TSPEAR: variants seen among roughly 807,000 people sequenced by gnomAD.
TSPEAR encodes the protein thrombospondin type laminin G domain and EAR repeats.
Under a neutral mutation model 71.6 loss-of-function variants are expected in TSPEAR, and 69 were observed. The ratio of observed to expected loss-of-function variants is 0.96; its 90% CI spans 0.79 to 1.18. The LOEUF (loss-of-function observed/expected upper bound fraction) is 1.18. TSPEAR is among the 50% of genes most tolerant of loss of function. The pLI is 0.00. For missense variants in TSPEAR, 971 were observed against 894.9 expected, an observed-to-expected ratio of 1.09 and a Z score of -1.09; for synonymous variants, 402 against 387.2, an observed-to-expected ratio of 1.04 and a Z score of -0.45.
intron 1 of TSPEAR, among the ~76,000 whole-genome samples, chr21:44,628,905 C>G (rs1232482923): frequency 6.6e-6 from 1 of 150,738 alleles, no homozygotes; most frequent in Non-Finnish European, 1.5e-5. Flanking sequence ...AGAACAGACA[C>G]GTGGTCTCCA....
At position 44,506,152 on chromosome 21, in the gene TSPEAR, A is replaced by T. The variant is rs1409219104; in HGVS notation, c.1755-1271T>A. Among the ~76,000 whole-genome samples the T allele has an allele frequency of 1.3e-5, 2 of 152,198 alleles. No individual in the cohort carries two copies. Among genetic ancestry groups the T allele is most frequent in the Non-Finnish European group, 2.9e-5 (2 of 68,014 alleles). On this transcript the variant is annotated intron_variant, in intron 10 of 11. Coordinates refer to ENST00000323084, the MANE Select transcript of TSPEAR (RefSeq NM_144991.3). The surrounding 1 kb of genome is among the most constrained non-coding windows in gnomAD (Gnocchi z 4.2). ...GCAGAAGCTGTTTCTTGTTGCAAAC[A>T]AATTTGCTGTGTCCTGTCTTAGGAG...
chr21:44,672,414 C>T (rs1180809623), intron 1 of TSPEAR, among the ~76,000 whole-genome samples: 3 of 152,146 alleles, frequency 2.0e-5, no homozygotes, highest in South Asian at 2.1e-4. Flanking sequence ...ACTAAAAATA[C>T]AAAAAATTAG....
In TSPEAR at chr21:44,674,740, G is replaced by A. The variant is rs1244730642; in HGVS notation, c.82+36693C>T. On this transcript the variant is annotated intron_variant, in intron 1 of 11. Transcript: ENST00000323084. ...GAGACTCTGTCTTTAAAGTGTGTGT[G>A]TGTGTGTGTGTGTGTGTGTGTGTGT... Among the ~76,000 whole-genome samples the A allele has an allele frequency of 1.1e-3, 70 of 64,916 alleles. 1 individual carries two copies. In the Middle Eastern group the frequency reaches 0.025, roughly 23 times the overall value. The allele number at this position is 64,916 out of a possible 152,430, so 42.6% of individuals were successfully genotyped here. A position where few individuals can be genotyped will look rare whatever the true frequency, so the allele number is the denominator to read the frequency against.
chr21:44,591,404 G>A (rs372537152), intron 1 of TSPEAR: 4 of 1,609,714 alleles, frequency 2.5e-6, no homozygotes, highest in South Asian at 1.1e-5. Context: ...CTGGACTTCT[G>A]GCCAGAGCAG....
chr21:44,583,630 ACTT>A (rs1156841402), intron 1 of TSPEAR, among the ~76,000 whole-genome samples: 1 of 152,018 alleles, frequency 6.6e-6, no homozygotes, highest in Non-Finnish European at 1.5e-5. Flanking sequence ...TGGCTTTTCT[ACTT>A]CTATTTTATG....
chr21:44,552,814 G>C (rs761537195), intron 2 of TSPEAR, among the ~76,000 whole-genome samples: 18 of 152,136 alleles, frequency 1.2e-4, no homozygotes, highest in African/African-American at 4.1e-4. Flanking sequence ...CCTCCAGCAC[G>C]TGCCAGTCAC....
At chr21:44,602,431 G>T (rs1981009780) in intron 1 of TSPEAR, among the ~76,000 whole-genome samples, 1 of 152,252 alleles carries the variant, frequency 6.6e-6, no homozygotes, top group African/African-American at 2.4e-5. Context: ...GTTGTGTCCA[G>T]CCCCTGGCTC....
chr21:44,581,640 G>A (rs1420324660), intron 1 of TSPEAR, among the ~76,000 whole-genome samples: 1 of 151,956 alleles, frequency 6.6e-6, no homozygotes, highest in Non-Finnish European at 1.5e-5. Flanking sequence ...AATTCATTGA[G>A]CCTTTCAATG....
Position 44,666,492 on chromosome 21 carries a change from C to T in TSPEAR, c.82+44941G>A. The T allele has an allele frequency of 1.2e-6, 2 of 1,609,324 alleles. No homozygotes were observed. Among genetic ancestry groups the T allele is most frequent in the Non-Finnish European group, 1.7e-6 (2 of 1,177,366 alleles). ...GTAGGAGATGGGTCTGCAGAGGACG[C>T]TGGTGCAGGAGGGCTGGCAGCACCC... On this transcript the variant is annotated intron_variant, in intron 1 of 11. Coordinates refer to ENST00000323084, the MANE Select transcript of TSPEAR (RefSeq NM_144991.3).
intron 2 of TSPEAR, chr21:44,558,037 C>T (rs782059447): frequency 3.7e-5 from 59 of 1,592,312 alleles, no homozygotes; most frequent in South Asian, 1.6e-4. Context: ...TCTGGAGAAA[C>T]GGGACCTGCC....
At chr21:44,512,910 G>A (rs1601335019) in intron 9 of TSPEAR, among the ~76,000 whole-genome samples, 1 of 152,178 alleles carries the variant, frequency 6.6e-6, no homozygotes, top group East Asian at 1.9e-4. Flanking sequence ...CAGGCCTGGG[G>A]GGCCGGGGGC....
intron 1 of TSPEAR, chr21:44,591,864 T>C (rs233304): frequency 0.071 from 110,619 of 1,566,774 alleles, 7,903 homozygotes; most frequent in African/African-American, 0.26. Context: ...GCTGGCAGCA[T>C]GAGGGTGTGC....
At chr21:44,521,611 C>T (rs1178164309) in intron 9 of TSPEAR, among the ~76,000 whole-genome samples, 1 of 152,226 alleles carries the variant, frequency 6.6e-6, no homozygotes, top group Non-Finnish European at 1.5e-5. Context: ...CAGGGTGGGG[C>T]AGAGCCAGGG....
In TSPEAR at chr21:44,684,903, C is replaced by G. The variant is rs576924204; in HGVS notation, c.82+26530G>C. 3.1e-4 allele frequency among the ~76,000 whole-genome samples: 47 copies of G among 152,312 alleles called. 1 individual carries two copies. Among genetic ancestry groups the G allele is most frequent in the African/African-American group, 1.0e-3 (43 of 41,562 alleles). On this transcript the variant is annotated intron_variant, in intron 1 of 11. Transcript: ENST00000323084. ...ACATAGGAACATGTGATCACTGTGG[C>G]TGCCCCAATTCTCTTGGTTTTTAAG...
rs1487045935 is a variant in TSPEAR at position 44,560,845 on chromosome 21, A to G, written c.303+6940T>C. Among the ~76,000 whole-genome samples the G allele has an allele frequency of 2.6e-5, 4 of 152,216 alleles. No homozygotes were observed. In the East Asian group the frequency reaches 7.7e-4, roughly 29 times the overall value. ...CACAGCTAAAGCAGTGTTAACAGGG[A>G]AATTTATAGCACTAAATGTCCACAT... is the stretch of plus-strand genomic sequence containing the variant. On this transcript the variant is annotated intron_variant, in intron 2 of 11. Coordinates refer to ENST00000323084, the MANE Select transcript of TSPEAR (RefSeq NM_144991.3).
At chr21:44,640,591 G>T (rs1555938355) in intron 1 of TSPEAR, among the ~76,000 whole-genome samples, 1 of 152,234 alleles carries the variant, frequency 6.6e-6, no homozygotes, top group African/African-American at 2.4e-5. Context: ...CTCCATTTGG[G>T]ATGGCCACTG....
rs147548451 is a variant in TSPEAR at position 44,503,201 on chromosome 21, G to T, written c.1856+1579C>A. 8.4e-4 allele frequency among the ~76,000 whole-genome samples: 117 copies of T among 139,416 alleles called. 2 individuals carry two copies. In the East Asian group the frequency reaches 0.011, roughly 13 times the overall value. The allele number at this position is 139,416 out of a possible 152,430, so 91.5% of individuals were successfully genotyped here. ...GAAGCCGGCCTTGGTGAGCCCACAG[G>T]GGGGAAGCAAGGCGCTGGGAGGAGG... On this transcript the variant is annotated intron_variant, in intron 11 of 11. Coordinates refer to ENST00000323084, the MANE Select transcript of TSPEAR (RefSeq NM_144991.3).
intron 1 of TSPEAR, among the ~76,000 whole-genome samples, chr21:44,630,995 T>A (rs1482436458): frequency 2.6e-5 from 4 of 151,988 alleles, no homozygotes; most frequent in Admixed American, 2.6e-4. Flanking sequence ...ATTATCAAAT[T>A]ATAATATTCC....
chr21:44,612,145 C>T lies in TSPEAR; in HGVS notation c.83-44140G>A. The T allele has an allele frequency of 6.2e-7, 1 of 1,614,112 alleles. No individual in the cohort carries two copies. Among genetic ancestry groups the T allele is most frequent in the Non-Finnish European group, 8.5e-7 (1 of 1,180,006 alleles). On this transcript the variant is annotated intron_variant, in intron 1 of 11. Coordinates refer to ENST00000323084, the MANE Select transcript of TSPEAR (RefSeq NM_144991.3). This position sits in a 1 kb window ranked among gnomAD's most constrained non-coding sequence, Gnocchi z 4.1. ...CCAGGACGTATGTGATTGCTGCATCCACCATGTCTGTCTGCTCCAGTGACG... is the reference window on the plus strand; with the variant it reads ...CCAGGACGTATGTGATTGCTGCATCTACCATGTCTGTCTGCTCCAGTGACG...
Sources: allele counts gnomAD v4.1 joint callset (sites outside exome capture counted in the v4.1 genomes callset), GRCh38; gene constraint gnomAD v4.1.1; non-coding constraint Gnocchi (gnomAD v3.1); transcripts MANE v1.5; gene names NCBI Gene and HGNC (gene_info 2026-07-23, HGNC 2026-07-21).